The following PPP2R3A variants were observed in gnomAD, a reference collection of about 807,000 sequenced individuals.
PPP2R3A encodes the protein protein phosphatase 2 regulatory subunit B''alpha, also known as serine/threonine-protein phosphatase 2A regulatory subunit B'' subunit alpha.
A neutral mutation model predicts 106.9 loss-of-function variants in PPP2R3A; 80 were observed. The observed-to-expected ratio is 0.75, with a 90% CI of 0.62 to 0.90. The LOEUF (loss-of-function observed/expected upper bound fraction) is 0.90. Among genes scored for constraint, PPP2R3A ranks in the 40% least tolerant of loss-of-function variants. The pLI is 0.00. For missense variants in PPP2R3A, 1,386 were observed against 1,350.4 expected (o/e 1.03, Z -0.41); for synonymous variants, 483 against 468.3 (o/e 1.03, Z -0.41).
intron 10 of PPP2R3A, among the ~76,000 whole-genome samples, chr3:136,092,891 C>G (rs1400548641): frequency 6.6e-6 from 1 of 152,158 alleles, no homozygotes; most frequent in Non-Finnish European, 1.5e-5. Context: ...GTGGCCAAAA[C>G]TGCAATTACT....
intron 1 of PPP2R3A, among the ~76,000 whole-genome samples, chr3:135,970,909 C>T (rs567398735): frequency 6.6e-6 from 1 of 152,106 alleles, no homozygotes; most frequent in East Asian, 1.9e-4. Flanking sequence ...GGGGCTGACT[C>T]AGATGTTGGT....
At chr3:136,130,792 A>G (rs111799043) in intron 13 of PPP2R3A, among the ~76,000 whole-genome samples, 7,318 of 152,246 alleles carry the variant, frequency 0.048, 567 homozygotes, top group African/African-American at 0.16. Flanking sequence ...AAACAGCATG[A>G]TACTGGTACC....
chr3:136,021,768 A>C (rs998392955), intron 2 of PPP2R3A, among the ~76,000 whole-genome samples: 1 of 152,124 alleles, frequency 6.6e-6, no homozygotes, highest in African/African-American at 2.4e-5. Flanking sequence ...ATATTTGGGG[A>C]AAAAAGTATG....
rs765536480 is a variant in PPP2R3A, at chr3:136,027,011, T to C, written c.2175T>C (p.His725=). 9 of 1,612,704 alleles carry C rather than the reference T, an allele frequency of 5.6e-6. No individual in the cohort carries two copies. Among genetic ancestry groups the C allele is most frequent in the East Asian group, 2.2e-5 (1 of 44,876 alleles). The change falls in exon 3 of 14, where the codon CAT becomes CAC. Residue 725 remains histidine, a synonymous_variant. Coordinates refer to ENST00000264977, the MANE Select transcript of PPP2R3A (RefSeq NM_002718.5). The part of the protein sequence containing the change: ...PEGLPDTCSN[H]EQTLSRIETA... The stretch of plus-strand genomic sequence containing the variant: ...GACTCCCAGATACCTGTAGTAATCA[T>C]GAACAAACTCTAAGCAGAATTGAAA...
intron 13 of PPP2R3A, among the ~76,000 whole-genome samples, chr3:136,139,608 G>A (rs1388244506): frequency 2.0e-5 from 3 of 150,548 alleles, no homozygotes; most frequent in African/African-American, 7.4e-5. Context: ...CAGGAGAATC[G>A]CTTGAACCTC....
Position 136,102,082 on chromosome 3 carries a change from TGAG to T in PPP2R3A, c.3007_3009del (p.Glu1003del). ...CCATGTATGAGCTGGAGTACTTCTA[TGAG>T]GAGCAGTGTGAACGGATGGAAGCCA... On this transcript the variant is annotated inframe_deletion, in exon 11 of 14. Coordinates refer to ENST00000264977, the MANE Select transcript of PPP2R3A (RefSeq NM_002718.5). 6.2e-7 allele frequency: 1 copy of T among 1,614,106 alleles called. No homozygotes were observed. The highest frequency in any genetic ancestry group is 8.5e-7 in the Non-Finnish European group (1 of 1,180,016).
intron 3 of PPP2R3A, among the ~76,000 whole-genome samples, chr3:136,037,678 A>G (rs572324776): frequency 6.6e-6 from 1 of 152,360 alleles, no homozygotes; most frequent in South Asian, 2.1e-4. Flanking sequence ...ATGAAATTAC[A>G]AGCCTGAGAC....
chr3:136,109,056 T>C (rs1937558584), intron 13 of PPP2R3A, among the ~76,000 whole-genome samples: 1 of 152,122 alleles, frequency 6.6e-6, no homozygotes. Flanking sequence ...TCCATTTAAA[T>C]GTAGAAATGA....
intron 13 of PPP2R3A, among the ~76,000 whole-genome samples, chr3:136,122,173 T>C (rs1373518490): frequency 6.6e-6 from 1 of 152,062 alleles, no homozygotes; most frequent in Non-Finnish European, 1.5e-5. Context: ...AAGGATGACA[T>C]AGCTGGGCAC....
At chr3:135,999,969 G>A (rs1176014530) in intron 1 of PPP2R3A, among the ~76,000 whole-genome samples, 1 of 151,860 alleles carries the variant, frequency 6.6e-6, no homozygotes, top group African/African-American at 2.4e-5. Flanking sequence ...ACCCACTTTG[G>A]TCACTTTGCC....
rs541607416 is a variant in PPP2R3A at position 136,132,912 on chromosome 3, G to A, written c.3330-12131G>A. On this transcript the variant is annotated intron_variant, in intron 13 of 13. Coordinates refer to ENST00000264977, the MANE Select transcript of PPP2R3A (RefSeq NM_002718.5). ...CTGGTATATATATACACAGAGATCAGTGTAACACTCCAACTAATTTTCAAC... is the reference window on the plus strand; with the variant it reads ...CTGGTATATATATACACAGAGATCAATGTAACACTCCAACTAATTTTCAAC... Among the ~76,000 whole-genome samples the A allele has an allele frequency of 2.0e-5, 3 of 152,220 alleles. No homozygotes were observed. In the East Asian group the frequency reaches 5.8e-4, roughly 29 times the overall value.
At chr3:136,112,396 A>G (rs987874916) in intron 13 of PPP2R3A, among the ~76,000 whole-genome samples, 23 of 152,214 alleles carry the variant, frequency 1.5e-4, no homozygotes, top group Non-Finnish European at 2.2e-4. Context: ...AACCCATAGT[A>G]TCTACCCAAA....
intron 2 of PPP2R3A, among the ~76,000 whole-genome samples, chr3:136,008,743 G>A (rs1329130550): frequency 6.6e-6 from 1 of 152,004 alleles, no homozygotes; most frequent in Non-Finnish European, 1.5e-5. Flanking sequence ...TCATATCCAG[G>A]TGTTCCTGAT....
chr3:135,999,700 G>GC (rs1933545740), intron 1 of PPP2R3A, among the ~76,000 whole-genome samples: 1 of 152,028 alleles, frequency 6.6e-6, no homozygotes, highest in South Asian at 2.1e-4. Flanking sequence ...TTTAAGTCTT[G>GC]CCCCATCCCC....
intron 5 of PPP2R3A, among the ~76,000 whole-genome samples, chr3:136,062,159 G>C (rs199540369): frequency 2.0e-5 from 3 of 152,148 alleles, no homozygotes; most frequent in Non-Finnish European, 4.4e-5. Flanking sequence ...TTCATGGACT[G>C]AGAAAGTTTA....
chr3:136,104,885 C>T (rs1285888184), intron 12 of PPP2R3A, among the ~76,000 whole-genome samples: 4 of 152,132 alleles, frequency 2.6e-5, no homozygotes, highest in Non-Finnish European at 1.5e-5. Flanking sequence ...GGTCTTTTCC[C>T]TCTTCACTTA....
At position 136,145,006 on chromosome 3, in the gene PPP2R3A, A is replaced by G. The variant is rs369511227; in HGVS notation, c.3330-37A>G. 1.2e-5 allele frequency: 19 copies of G among 1,595,416 alleles called. No homozygotes were observed. The African/African-American group carries it at 2.0e-4, about 17-fold the overall frequency. The stretch of plus-strand genomic sequence containing the variant: ...TTGATTTCTACCCAAACTTTAATCA[A>G]TCAATCAGTTAATTCACTTTTGCTT... On this transcript the variant is annotated intron_variant, in intron 13 of 13. Transcript: ENST00000264977.
chr3:136,008,383 T>C (rs1933919111), intron 2 of PPP2R3A, among the ~76,000 whole-genome samples: 1 of 152,108 alleles, frequency 6.6e-6, no homozygotes, highest in Non-Finnish European at 1.5e-5. Flanking sequence ...ACCAAGCAGA[T>C]TAATAAAAGT....
At chr3:136,144,165 A>T (rs1172458929) in intron 13 of PPP2R3A, among the ~76,000 whole-genome samples, 1 of 152,228 alleles carries the variant, frequency 6.6e-6, no homozygotes, top group African/African-American at 2.4e-5. Context: ...TTCAGGGGAT[A>T]CCAGCAACAC....
Sources: gnomAD v4.1 joint callset for allele counts (sites outside exome capture counted in the v4.1 genomes callset) on GRCh38, gnomAD v4.1.1 for gene constraint, MANE v1.5 for transcripts, NCBI Gene and HGNC (gene_info 2026-07-23, HGNC 2026-07-21) for gene names.